The following C8B variants were observed in gnomAD, a reference collection of about 807,000 sequenced individuals.
C8B encodes complement C8 beta chain.
Under a neutral mutation model 64.6 loss-of-function variants are expected in C8B, and 67 were observed. The ratio of observed to expected loss-of-function variants is 1.04; its 90% confidence interval spans 0.85 to 1.27. The LOEUF (loss-of-function observed/expected upper bound fraction) is 1.27, where lower values mean the gene tolerates loss of function less well. C8B is among the 50% of genes most tolerant of loss of function. C8B has a pLI of 0.00. For synonymous variants in C8B, 284 were observed against 257.7 expected, an observed-to-expected ratio of 1.10 and a Z score of -0.98; for missense variants, 790 against 725.2, an observed-to-expected ratio of 1.09 and a Z score of -1.03.
At position 56,960,409 on chromosome 1, in the gene C8B, T is replaced by C. The variant is rs140122619; in HGVS notation, c.93-233A>G. Among the ~76,000 whole-genome samples, 518 of 152,348 alleles carry C rather than the reference T, an allele frequency of 3.4e-3. 1 individual carries two copies. Among genetic ancestry groups the C allele is most frequent in the African/African-American group, 0.011 (473 of 41,600 alleles). On this transcript the variant is annotated intron_variant, in intron 1 of 11. Transcript: ENST00000371237. ...TAATTAATTAATTAATTTAGGTTAATTAATCCAACAAATATTTATTGAACA... is the reference window on the plus strand; with the variant it reads ...TAATTAATTAATTAATTTAGGTTAACTAATCCAACAAATATTTATTGAACA...
chr1:56,963,566 A>C (rs1645208577), intron 1 of C8B, among the ~76,000 whole-genome samples: 1 of 125,992 alleles, frequency 7.9e-6, no homozygotes, highest in African/African-American at 2.9e-5. Flanking sequence ...AGTCAGATAC[A>C]CAATGTGGAG....
chr1:56,951,777 G>A (rs1035898634), intron 5 of C8B, among the ~76,000 whole-genome samples: 2 of 152,214 alleles, frequency 1.3e-5, no homozygotes, highest in Admixed American at 6.5e-5. Context: ...CCAAGTCAGT[G>A]TGACTCCAAA....
intron 3 of C8B, 45 bp downstream of exon 3, chr1:56,956,724 A>C (rs753659239): frequency 1.9e-5 from 31 of 1,607,668 alleles, no homozygotes; most frequent in Middle Eastern, 3.3e-4. Context: ...AAGAACCATT[A>C]CCTCATTTCA....
At chr1:56,951,533 G>A (rs1342132983) in intron 5 of C8B, among the ~76,000 whole-genome samples, 1 of 152,156 alleles carries the variant, frequency 6.6e-6, no homozygotes, top group African/African-American at 2.4e-5. Flanking sequence ...AAAATGCTTA[G>A]AGTAATGCCT....
intron 2 of C8B, chr1:56,959,386 G>A: frequency 1.6e-6 from 1 of 633,714 alleles, no homozygotes; most frequent in Non-Finnish European, 2.8e-6. Flanking sequence ...AGCTATCGAA[G>A]CTCATAAAAG....
intron 9 of C8B, among the ~76,000 whole-genome samples, 164 bp from the exon 10 acceptor site, chr1:56,933,652 G>T (rs775602678): frequency 2.6e-5 from 4 of 152,164 alleles, no homozygotes; most frequent in Admixed American, 6.6e-5. Context: ...CCCCTTACCC[G>T]ATATACACAA....
chr1:56,954,668 A>G lies in C8B; in HGVS notation c.533+18T>C, dbSNP rs1479850039. On this transcript the variant is annotated intron_variant, in intron 4 of 11. Transcript: ENST00000371237. ...TGCTGTGCCTTCCCATCTACGCCAC[A>G]GAAAAATGGTCACTTACCCACTGGC... 6.2e-7 allele frequency: 1 copy of G among 1,614,126 alleles called. No individual in the cohort carries two copies. Among genetic ancestry groups the G allele is most frequent in the Non-Finnish European group, 8.5e-7 (1 of 1,179,954 alleles).
intron 2 of C8B, among the ~76,000 whole-genome samples, chr1:56,957,215 G>A (rs1463026714): frequency 6.6e-6 from 1 of 152,188 alleles, no homozygotes; most frequent in Non-Finnish European, 1.5e-5. Context: ...GGGAAAGTCA[G>A]CCCATGCTGA....
intron 10 of C8B, 45 bp from the exon 11 acceptor site, chr1:56,931,923 C>A (rs745463870): frequency 7.3e-7 from 1 of 1,369,548 alleles, no homozygotes; most frequent in Non-Finnish European, 1.0e-6. Context: ...CCAGGTGGAG[C>A]AAAGAACTCC....
chr1:56,953,074 T>A (rs920181971), intron 4 of C8B, among the ~76,000 whole-genome samples: 4 of 152,200 alleles, frequency 2.6e-5, no homozygotes, highest in South Asian at 2.1e-4. Context: ...CATCATCTCA[T>A]TAGTGTCCCT....
chr1:56,949,547 ATACT>A lies in C8B; in HGVS notation c.864+4_864+7del. The A allele has an allele frequency of 6.2e-7, 1 of 1,611,542 alleles. No homozygotes were observed. Among genetic ancestry groups the A allele is most frequent in the Non-Finnish European group, 8.5e-7 (1 of 1,177,728 alleles). On this transcript the variant is annotated splice_donor_5th_base_variant and intron_variant, in intron 6 of 11. Coordinates refer to ENST00000371237, the MANE Select transcript of C8B (RefSeq NM_000066.4). The stretch of plus-strand genomic sequence containing the variant: ...ATATACGTTTAAAAGCAACAAAGAC[ATACT>A]TACAGTATGAGAGAATCGTTTGGTT...
intron 9 of C8B, among the ~76,000 whole-genome samples, chr1:56,935,523 T>C (rs1294192936): frequency 6.6e-6 from 1 of 152,176 alleles, no homozygotes; most frequent in Admixed American, 6.5e-5. Flanking sequence ...TGCAAAGAAA[T>C]GGTGAGCACC....
intron 9 of C8B, among the ~76,000 whole-genome samples, chr1:56,940,427 A>T (rs1360661698): frequency 6.6e-6 from 1 of 151,626 alleles, no homozygotes; most frequent in East Asian, 1.9e-4. Context: ...TTAATTAGCC[A>T]GGTGTGGTGT....
intron 6 of C8B, among the ~76,000 whole-genome samples, chr1:56,946,703 C>T (rs1644947771): frequency 6.6e-6 from 1 of 152,302 alleles, no homozygotes; most frequent in East Asian, 1.9e-4. Context: ...AGTTTGGTGA[C>T]TCTCCATGTA....
chr1:56,942,548 T>C (rs1018015475), intron 8 of C8B, among the ~76,000 whole-genome samples: 2 of 151,794 alleles, frequency 1.3e-5, no homozygotes, highest in African/African-American at 2.4e-5. Context: ...CTACTAAAAA[T>C]ACAAATATTA....
Position 56,951,954 on chromosome 1 carries a change from G to GAA in C8B, c.666+92_666+93dup, listed in dbSNP as rs1553181637. ...ATATGAAGAAACTGAAGCTCAAAGA[G>GAA]AAAAGGGCTAGCAGGCTGTCAGGCC... On this transcript the variant is annotated intron_variant, in intron 5 of 11. Coordinates refer to ENST00000371237, the MANE Select transcript of C8B (RefSeq NM_000066.4). 6.6e-4 allele frequency: 419 copies of GAA among 637,228 alleles called. No homozygotes were observed. The African/African-American group carries it at 0.02, about 30-fold the overall frequency. The allele number at this position is 637,228 out of a possible 1,614,324, so 39.5% of individuals were successfully genotyped here.
chr1:56,963,362 C>A (rs1009255164), intron 1 of C8B, among the ~76,000 whole-genome samples: 8 of 152,174 alleles, frequency 5.3e-5, no homozygotes, highest in Non-Finnish European at 1.2e-4. Flanking sequence ...TCTTGTCACA[C>A]ACAATTTGTT....
chr1:56,945,914 G>T lies in C8B; in HGVS notation c.1012C>A (p.Arg338Ser). The T allele has an allele frequency of 6.2e-7, 1 of 1,614,040 alleles. No individual in the cohort carries two copies. Among genetic ancestry groups the T allele is most frequent in the Non-Finnish European group, 8.5e-7 (1 of 1,179,982 alleles). Residue 338 changes from arginine (R) to serine (S), a missense_variant, in exon 7 of 12, where the codon CGT (arginine) becomes AGT (serine). Transcript: ENST00000371237. ...YSYGEYRDLF[R>S]DFGTHYITEA... Reference sequence around the variant, plus strand: ...GTGATGTAGTGGGTCCCAAAATCACGGAAGAGATCTCTGTATTCCCCGTAG... The same window carrying T: ...GTGATGTAGTGGGTCCCAAAATCACTGAAGAGATCTCTGTATTCCCCGTAG...
chr1:56,950,331 C>T (rs1570394008), intron 5 of C8B, among the ~76,000 whole-genome samples: 1 of 152,148 alleles, frequency 6.6e-6, no homozygotes, highest in African/African-American at 2.4e-5. Context: ...GCTGTAAGAG[C>T]AGTGCAGGTG....
Sources: gnomAD v4.1 joint callset for allele counts (sites outside exome capture counted in the v4.1 genomes callset) on GRCh38, gnomAD v4.1.1 for gene constraint, MANE v1.5 for transcripts, NCBI Gene and HGNC (gene_info 2026-07-23, HGNC 2026-07-21) for gene names.